The following ANAPC2 variants were observed in gnomAD, a reference collection of about 807,000 sequenced individuals.
ANAPC2 encodes anaphase-promoting complex subunit 2.
Under a neutral mutation model 84.3 loss-of-function variants are expected in ANAPC2, and 29 were observed. That is an observed-to-expected ratio of 0.34 (90% CI 0.26 to 0.47). The LOEUF is 0.47. Among genes scored for constraint, ANAPC2 ranks in the 20% least tolerant of loss-of-function variants. ANAPC2 has a pLI of 1.00. For synonymous variants in ANAPC2, 571 were observed against 479.4 expected (o/e 1.19, Z -2.50); for missense variants, 857 against 1,131.7 (o/e 0.76, Z 3.48).
intron 2 of ANAPC2, 25 bp from the exon 3 acceptor site, chr9:137,186,381 G>A (rs1398051800): frequency 1.9e-6 from 3 of 1,574,304 alleles, no homozygotes; most frequent in Non-Finnish European, 1.7e-6. Flanking sequence ...TGGCCATGGG[G>A]CACCCAGAGC....
chr9:137,185,490 G>A (rs1404405254), intron 3 of ANAPC2, among the ~76,000 whole-genome samples: 2 of 152,160 alleles, frequency 1.3e-5, no homozygotes, highest in African/African-American at 4.8e-5. Flanking sequence ...ATTCCGCCGC[G>A]GGGCCCAGGC....
At chr9:137,184,009 G>GT (rs986631850) in intron 4 of ANAPC2, among the ~76,000 whole-genome samples, 1 of 152,228 alleles carries the variant, frequency 6.6e-6, no homozygotes, top group Non-Finnish European at 1.5e-5. Flanking sequence ...CCAGGGGCCA[G>GT]TCCCCAGCAG....
chr9:137,180,750 G>A (rs763429023), intron 8 of ANAPC2, 38 bp downstream of exon 8: 27 of 1,597,958 alleles, frequency 1.7e-5, no homozygotes, highest in African/African-American at 9.4e-5. Context: ...CAAAGGCCCC[G>A]GCACCCCTGG....
intron 8 of ANAPC2, 114 bp downstream of exon 8, chr9:137,180,674 G>A (rs1834324681): frequency 6.4e-7 from 1 of 1,564,556 alleles, no homozygotes; most frequent in African/African-American, 1.3e-5. Context: ...CAGGAGTGGG[G>A]GCGGAAGCAC....
rs747080896 is a variant in ANAPC2 at position 137,187,624 on chromosome 9, C to T, written c.597G>A (p.Leu199=). The change falls in exon 2 of 13, where the codon CTG becomes CTA. Residue 199 remains leucine (L), a synonymous_variant. Transcript: ENST00000323927. ...RKGEGGTDPE[L]EGELDSRYAR... is the part of the protein sequence containing the mutation. The stretch of plus-strand genomic sequence containing the variant: ...CATACCGGCTGTCCAGCTCCCCTTC[C>T]AGTTCCGGGTCTGTGCCCCCTTCCC... 1 of 1,614,106 alleles carries T rather than the reference C, an allele frequency of 6.2e-7. No individual in the cohort carries two copies. Among genetic ancestry groups the T allele is most frequent in the South Asian group, 1.1e-5 (1 of 91,090 alleles).
In ANAPC2 at chr9:137,175,480, CAG is replaced by C. The variant is rs770173679; in HGVS notation, c.2021-10_2021-9del. On this transcript the variant is annotated splice_polypyrimidine_tract_variant and intron_variant, in intron 11 of 12. Coordinates refer to ENST00000323927, the MANE Select transcript of ANAPC2 (RefSeq NM_013366.4). ...CCTCCAGGGTCCAGCTGGCTGCGTG[CAG>C]AGTCACCGGGACGCTGGGCAGCCTG... 25 of 1,551,834 alleles carry C rather than the reference CAG, an allele frequency of 1.6e-5. No homozygotes were observed. Among genetic ancestry groups the C allele is most frequent in the East Asian group, 4.8e-5 (2 of 41,472 alleles).
chr9:137,187,397 C>A (rs1258935384), intron 2 of ANAPC2, 84 bp downstream of exon 2: 2 of 1,512,480 alleles, frequency 1.3e-6, no homozygotes, highest in Non-Finnish European at 1.8e-6. Context: ...GGCTCACCAG[C>A]TTTCTGCTGA....
rs867303943 is a variant in ANAPC2, at chr9:137,175,843, G to A, written c.1891-6C>T. On this transcript the variant is annotated splice_region_variant and splice_polypyrimidine_tract_variant and intron_variant, in intron 10 of 12. Coordinates refer to ENST00000323927, the MANE Select transcript of ANAPC2 (RefSeq NM_013366.4). The stretch of plus-strand genomic sequence containing the variant: ...CAACTGAGGGTCCGCATGGCCTAAG[G>A]AGGGCCAGGGTCAGCACGGGCAGCT... 4.4e-6 allele frequency: 7 copies of A among 1,601,074 alleles called. No individual in the cohort carries two copies. The highest frequency in any genetic ancestry group is 6.0e-6 in the Non-Finnish European group (7 of 1,173,932).
intron 5 of ANAPC2, 22 bp downstream of exon 5, chr9:137,183,650 G>A: frequency 6.2e-7 from 1 of 1,604,140 alleles, no homozygotes; most frequent in South Asian, 1.1e-5. Flanking sequence ...AGAGTGCTGG[G>A]TGGCCGGGCA....
intron 6 of ANAPC2, among the ~76,000 whole-genome samples, chr9:137,182,210 A>AT (rs1352836703): frequency 1.3e-5 from 2 of 152,054 alleles, no homozygotes; most frequent in African/African-American, 2.4e-5. Context: ...CTCAAAAAAA[A>AT]GAAAAAGAAA....
intron 6 of ANAPC2, among the ~76,000 whole-genome samples, chr9:137,182,444 G>C (rs1207165333): frequency 6.6e-6 from 1 of 152,086 alleles, no homozygotes; most frequent in East Asian, 1.9e-4. Context: ...GGGAGGCGGA[G>C]CTTGCAGTGA....
chr9:137,183,920 C>T (rs2131338590), intron 4 of ANAPC2, 129 bp from the exon 5 acceptor site: 1 of 1,267,868 alleles, frequency 7.9e-7, no homozygotes, highest in Admixed American at 2.1e-5. Context: ...AGACCACCTG[C>T]TAGGCACCAG....
chr9:137,180,598 C>CGG (rs1342669211), intron 8 of ANAPC2, 71 bp from the exon 9 acceptor site: 1 of 1,599,466 alleles, frequency 6.3e-7, no homozygotes, highest in African/African-American at 1.3e-5. Flanking sequence ...TGGCAGGGCA[C>CGG]GGGGGTGCCC....
At chr9:137,186,633 T>A (rs551095536) in intron 2 of ANAPC2, 8 of 467,334 alleles carry the variant, frequency 1.7e-5, no homozygotes, top group African/African-American at 1.2e-4. Context: ...ATGTGATCAG[T>A]GGCAGCAGGT....
Position 137,188,547 on chromosome 9 carries a change from T to G in ANAPC2, c.-15A>C, listed in dbSNP as rs1371306677. ...GCCGCCGCCATCTGCACCCACCGACTCCGAGATTCGCTCGGCGCGGCGCGC... is the reference window on the plus strand; with the variant it reads ...GCCGCCGCCATCTGCACCCACCGACGCCGAGATTCGCTCGGCGCGGCGCGC... On this transcript the variant is annotated 5_prime_UTR_variant, in exon 1 of 13. Coordinates refer to ENST00000323927, the MANE Select transcript of ANAPC2 (RefSeq NM_013366.4). 1 of 1,599,218 alleles carries G rather than the reference T, an allele frequency of 6.3e-7. No individual in the cohort carries two copies. The highest frequency in any genetic ancestry group is 1.1e-5 in the South Asian group (1 of 90,176).
chr9:137,187,467 G>C lies in ANAPC2; in HGVS notation c.740+14C>G. ...GAAGGAGCAAGGGCATGGCCATCGG[G>C]ACAGACTACTCACAAGACCTGGCTG... On this transcript the variant is annotated intron_variant, in intron 2 of 12. Coordinates refer to ENST00000323927, the MANE Select transcript of ANAPC2 (RefSeq NM_013366.4). 6.3e-7 allele frequency: 1 copy of C among 1,599,044 alleles called. No homozygotes were observed. The highest frequency in any genetic ancestry group is 8.6e-7 in the Non-Finnish European group (1 of 1,169,496).
chr9:137,188,164 A>C, intron 1 of ANAPC2, 61 bp from the exon 2 acceptor site: 1 of 1,556,122 alleles, frequency 6.4e-7, no homozygotes, highest in Non-Finnish European at 8.7e-7. Context: ...AGAGGCGGGG[A>C]AGGGAAGAAG....
rs764594771 is a variant in ANAPC2, at chr9:137,175,724, C to T, written c.2004G>A (p.Leu668=). The change falls in exon 11 of 13, where the codon CTG becomes CTA. Residue 668 remains leucine, a synonymous_variant. Transcript: ENST00000323927. Reference sequence around the variant, plus strand: ...TGGGCTCACCTTGGTCCTGAAAATACAGCAAGATCACCGCCTGTACTGGGG... The same window carrying T: ...TGGGCTCACCTTGGTCCTGAAAATATAGCAAGATCACCGCCTGTACTGGGG... ...AVTPVQAVIL[L]YFQDQASWTL... The T allele has an allele frequency of 3.8e-5, 61 of 1,611,410 alleles. No homozygotes were observed. The highest frequency in any genetic ancestry group is 4.8e-5 in the Non-Finnish European group (57 of 1,179,304).
At chr9:137,177,929 G>A (rs2131331601) in intron 10 of ANAPC2, among the ~76,000 whole-genome samples, 1 of 152,304 alleles carries the variant, frequency 6.6e-6, no homozygotes, top group Admixed American at 6.5e-5. Flanking sequence ...GAAGAGGGGA[G>A]GAAGCAGCCT....
Sources: gnomAD v4.1 joint callset for allele counts (sites outside exome capture counted in the v4.1 genomes callset) on GRCh38, gnomAD v4.1.1 for gene constraint, MANE v1.5 for transcripts, NCBI Gene and HGNC (gene_info 2026-07-23, HGNC 2026-07-21) for gene names.